Variants in SLC14A2 observed in about 807,000 individuals in gnomAD.
SLC14A2 encodes the protein urea transporter 2.
SLC14A2 carries 91 observed loss-of-function variants against 104.6 expected under a neutral mutation model. The ratio of observed to expected loss-of-function variants is 0.87; its 90% CI spans 0.73 to 1.04. SLC14A2 has a LOEUF of 1.04. Among genes scored for constraint, SLC14A2 ranks in the 50% least tolerant of loss-of-function variants. SLC14A2 has a pLI of 0.00. For synonymous variants in SLC14A2, 476 were observed against 466.4 expected (o/e 1.02, Z -0.27); for missense variants, 1,189 against 1,156.0 (o/e 1.03, Z -0.41).
chr18:45,254,721 G>C (rs2084458428), intron 1 of SLC14A2, among the ~76,000 whole-genome samples: 1 of 152,078 alleles, frequency 6.6e-6, no homozygotes, highest in Non-Finnish European at 1.5e-5. Context: ...AGGTCACCAA[G>C]GAGTGGGGTG....
At chr18:45,552,057 G>C (rs1405139418) in intron 2 of SLC14A2, among the ~76,000 whole-genome samples, 2 of 152,166 alleles carry the variant, frequency 1.3e-5, no homozygotes, top group African/African-American at 4.8e-5. Context: ...ATAAGACCCA[G>C]AGAAGTGAAA....
At chr18:45,370,353 T>TAA (rs2085710064) in intron 1 of SLC14A2, among the ~76,000 whole-genome samples, 1 of 152,092 alleles carries the variant, frequency 6.6e-6, no homozygotes, top group Non-Finnish European at 1.5e-5. Context: ...GGTGAAGAAG[T>TAA]AAATCCAGGC....
chr18:45,208,752 G>C (rs2143961131), upstream of SLC14A2, among the ~76,000 whole-genome samples: 1 of 152,178 alleles, frequency 6.6e-6, no homozygotes, highest in Non-Finnish European at 1.5e-5. Context: ...AAACAGGGCA[G>C]AGTGAGTGTA....
chr18:45,561,009 T>C (rs556275919), intron 2 of SLC14A2, among the ~76,000 whole-genome samples: 2 of 152,284 alleles, frequency 1.3e-5, no homozygotes, highest in South Asian at 4.2e-4. Flanking sequence ...GCATTGTCCC[T>C]GTCACCAAGA....
chr18:45,513,909 C>T (rs2043401209), intron 2 of SLC14A2, among the ~76,000 whole-genome samples: 2 of 152,108 alleles, frequency 1.3e-5, no homozygotes, highest in African/African-American at 4.8e-5. Flanking sequence ...ACCTCCTTCT[C>T]CACCCAACAC....
chr18:45,209,385 T>C (rs1203737478), upstream of SLC14A2, among the ~76,000 whole-genome samples: 1 of 152,010 alleles, frequency 6.6e-6, no homozygotes, highest in East Asian at 1.9e-4. Context: ...ACAACTGTGG[T>C]CAAAATGTAT....
intron 2 of SLC14A2, among the ~76,000 whole-genome samples, chr18:45,510,290 GC>G (rs1472454694): frequency 1.1e-4 from 16 of 152,134 alleles, no homozygotes; most frequent in African/African-American, 3.9e-4. Context: ...AAAAAAATGA[GC>G]CTGTCTGAGA....
chr18:45,639,103 A>AATGC (rs1315456463), intron 6 of SLC14A2, among the ~76,000 whole-genome samples: 1 of 152,130 alleles, frequency 6.6e-6, no homozygotes, highest in Non-Finnish European at 1.5e-5. Flanking sequence ...ACCTTTCTAC[A>AATGC]ATGCTATGCG....
chr18:45,479,177 C>T (rs1225234392), intron 1 of SLC14A2, among the ~76,000 whole-genome samples: 1 of 152,162 alleles, frequency 6.6e-6, no homozygotes, highest in Admixed American at 6.5e-5. Context: ...AGGAAGTGGG[C>T]AGGGCTATCT....
intron 1 of SLC14A2, among the ~76,000 whole-genome samples, chr18:45,431,613 G>A (rs1185821871): frequency 2.6e-5 from 4 of 152,194 alleles, no homozygotes; most frequent in Non-Finnish European, 5.9e-5. Flanking sequence ...AAAGCTGGAC[G>A]TTAGGGCACC....
intron 2 of SLC14A2, among the ~76,000 whole-genome samples, chr18:45,524,803 A>G (rs2852281): frequency 0.88 from 133,881 of 152,132 alleles, 59,057 homozygotes; most frequent in Middle Eastern, 0.94. Context: ...TATGAAAAAT[A>G]AGATAGAGGC....
At chr18:45,456,364 G>A (rs185393870) in intron 1 of SLC14A2, among the ~76,000 whole-genome samples, 49 of 152,294 alleles carry the variant, frequency 3.2e-4, no homozygotes, top group African/African-American at 1.1e-3. Flanking sequence ...GCCCCCAGGG[G>A]ATGCTGTTTG....
chr18:45,640,327 G>C (rs1599103120), intron 7 of SLC14A2, among the ~76,000 whole-genome samples: 1 of 151,994 alleles, frequency 6.6e-6, no homozygotes, highest in African/African-American at 2.4e-5. Context: ...GAACCAAGTT[G>C]GCCTGCAAAC....
At chr18:45,633,470 C>G (rs1350287758) in intron 5 of SLC14A2, among the ~76,000 whole-genome samples, 4 of 152,220 alleles carry the variant, frequency 2.6e-5, no homozygotes, top group African/African-American at 9.6e-5. Flanking sequence ...GAGTTAGGAA[C>G]AAATATTCAC....
chr18:45,427,515 G>A (rs1404472804), intron 1 of SLC14A2, among the ~76,000 whole-genome samples: 1 of 152,124 alleles, frequency 6.6e-6, no homozygotes, highest in Non-Finnish European at 1.5e-5. Flanking sequence ...AACATCTGAG[G>A]TACATGGTGT....
At chr18:45,635,879 G>A (rs1205572006) in intron 5 of SLC14A2, among the ~76,000 whole-genome samples, 1 of 152,210 alleles carries the variant, frequency 6.6e-6, no homozygotes, top group African/African-American at 2.4e-5. Flanking sequence ...ACAGGGAAAA[G>A]AACTGGCCTG....
chr18:45,645,632 A>ATATATATAT (rs1568312070), intron 10 of SLC14A2, among the ~76,000 whole-genome samples: 8 of 7,082 alleles, frequency 1.1e-3, no homozygotes, highest in Non-Finnish European at 2.4e-3. Context: ...TACATATACA[A>ATATATATAT]AGATATATAT....
chr18:45,472,059 G>A (rs557455991), intron 1 of SLC14A2, among the ~76,000 whole-genome samples: 9 of 152,146 alleles, frequency 5.9e-5, no homozygotes, highest in African/African-American at 1.7e-4. Context: ...CATGGTGTGA[G>A]ATGTTCCCCT....
rs375763853 is a variant in SLC14A2 at position 45,268,887 on chromosome 18, G to A, written c.-125+55696G>A. Among the ~76,000 whole-genome samples the A allele has an allele frequency of 2.0e-5, 3 of 152,102 alleles. 1 individual carries two copies. Among genetic ancestry groups the A allele is most frequent in the African/African-American group, 7.2e-5 (3 of 41,496 alleles). ...CAGCAAAGGTGGAGGAATTGAAGTG[G>A]AGGCACCAAGGGGAGTTCTGATCTG... is the stretch of plus-strand genomic sequence containing the variant. On this transcript the variant is annotated intron_variant, in intron 1 of 20. Transcript: ENST00000586448.
Sources: allele counts gnomAD v4.1 joint callset (sites outside exome capture counted in the v4.1 genomes callset), GRCh38; gene constraint gnomAD v4.1.1; transcripts MANE v1.5; gene names NCBI Gene and HGNC (gene_info 2026-07-23, HGNC 2026-07-21).